ARID2: variants seen among roughly 807,000 people sequenced by gnomAD.
ARID2 encodes the protein AT-rich interactive domain-containing protein 2.
In ARID2, 32 loss-of-function variants were observed where a neutral mutation model predicts 184.6. The observed-to-expected ratio is 0.17, with a 90% CI of 0.13 to 0.23. The LOEUF (loss-of-function observed/expected upper bound fraction) is 0.23, where lower values mean the gene tolerates loss of function less well. Among genes scored for constraint, ARID2 ranks in the 10% least tolerant of loss-of-function variants. The pLI, the probability that ARID2 is intolerant of heterozygous loss-of-function variation, is 1.00. For missense variants in ARID2, 1,696 were observed against 2,197.6 expected (o/e 0.77, Z 4.56); for synonymous variants, 836 against 772.6 (o/e 1.08, Z -1.36).
chr12:45,758,081 G>T (rs1031356201), intron 3 of ARID2, among the ~76,000 whole-genome samples: 1 of 152,094 alleles, frequency 6.6e-6, no homozygotes, highest in African/African-American at 2.4e-5. Context: ...ACAAAGTTTT[G>T]TTTCTCTGGA....
At chr12:45,832,211 G>T (rs1943135596) in intron 6 of ARID2, among the ~76,000 whole-genome samples, 2 of 152,104 alleles carry the variant, frequency 1.3e-5, no homozygotes, top group African/African-American at 4.8e-5. Context: ...GGTTTTGTCT[G>T]AGCACTTTAA....
In ARID2 at chr12:45,846,293, T is replaced by G. The variant is rs1041846527; in HGVS notation, c.1499-563T>G. Among the ~76,000 whole-genome samples, 6 of 152,178 alleles carry G rather than the reference T, an allele frequency of 3.9e-5. No homozygotes were observed. In the South Asian group the frequency reaches 1.2e-3, roughly 31 times the overall value. ...AAATCCTTTTTTGAATATGGGACTTTAAATTAGTTCAGCTTTTGTTCACTG... is the reference window on the plus strand; with the variant it reads ...AAATCCTTTTTTGAATATGGGACTTGAAATTAGTTCAGCTTTTGTTCACTG... On this transcript the variant is annotated intron_variant, in intron 11 of 20. Transcript: ENST00000334344.
chr12:45,794,806 TAATG>T (rs980167905), intron 3 of ARID2, among the ~76,000 whole-genome samples: 45 of 152,330 alleles, frequency 3.0e-4, no homozygotes, highest in Non-Finnish European at 4.9e-4. Context: ...GGTTATTAAA[TAATG>T]AATCTAATTT....
At chr12:45,746,512 C>T (rs1430655960) in intron 3 of ARID2, among the ~76,000 whole-genome samples, 1 of 151,764 alleles carries the variant, frequency 6.6e-6, no homozygotes, top group Non-Finnish European at 1.5e-5. Flanking sequence ...AAGTATTTTT[C>T]TTATGAAACT....
chr12:45,808,180 G>T (rs1942636693), intron 3 of ARID2, among the ~76,000 whole-genome samples: 1 of 152,300 alleles, frequency 6.6e-6, no homozygotes, highest in East Asian at 1.9e-4. Context: ...TAAACTCAAG[G>T]TCATGTTAGG....
At position 45,848,880 on chromosome 12, in the gene ARID2, G is replaced by A. The variant is rs1943489442; in HGVS notation, c.1625G>A (p.Arg542Gln). The A allele has an allele frequency of 6.2e-7, 1 of 1,611,904 alleles. No homozygotes were observed. The highest frequency in any genetic ancestry group is 8.5e-7 in the Non-Finnish European group (1 of 1,178,764). ...FEVNPDCSVS[R>Q]AEMYSEYLST... ...GTAAATCCAGATTGTTCTGTTTCTCGAGCAGAAATGTATTCTGAATACCTC... is the reference window on the plus strand; with the variant it reads ...GTAAATCCAGATTGTTCTGTTTCTCAAGCAGAAATGTATTCTGAATACCTC... The change falls in exon 13 of 21, where the codon CGA becomes CAA. Residue 542 changes from arginine to glutamine, a missense_variant. Transcript: ENST00000334344.
intron 18 of ARID2, among the ~76,000 whole-genome samples, 197 bp from the exon 19 acceptor site, chr12:45,893,223 A>G (rs1424971527): frequency 6.6e-6 from 1 of 152,232 alleles, no homozygotes; most frequent in African/African-American, 2.4e-5. Flanking sequence ...TTGAAACTTT[A>G]CCTTGATACT....
At chr12:45,869,106 G>A (rs920921508) in intron 16 of ARID2, among the ~76,000 whole-genome samples, 1 of 151,544 alleles carries the variant, frequency 6.6e-6, no homozygotes, top group African/African-American at 2.4e-5. Context: ...TGTAACCTTC[G>A]CCTCCCAGGT....
intron 2 of ARID2, among the ~76,000 whole-genome samples, chr12:45,730,456 C>G (rs1329184231): frequency 6.7e-6 from 1 of 149,272 alleles, no homozygotes; most frequent in Non-Finnish European, 1.5e-5. Flanking sequence ...CAGCCTGAGC[C>G]CCGCGCCCGC....
intron 16 of ARID2, among the ~76,000 whole-genome samples, chr12:45,880,386 G>T (rs1944080030): frequency 1.3e-5 from 2 of 152,240 alleles, no homozygotes; most frequent in South Asian, 2.1e-4. Flanking sequence ...TTCCCCAACT[G>T]CCCAGGAAAT....
chr12:45,820,321 T>C (rs532006063), intron 5 of ARID2, among the ~76,000 whole-genome samples: 5 of 152,322 alleles, frequency 3.3e-5, no homozygotes, highest in African/African-American at 1.2e-4. Context: ...TTAAATATTT[T>C]GTAAGATGAA....
At chr12:45,823,716 A>ACAAC (rs1241591093) in intron 6 of ARID2, among the ~76,000 whole-genome samples, 1 of 152,174 alleles carries the variant, frequency 6.6e-6, no homozygotes. Flanking sequence ...TTGGACACAT[A>ACAAC]CAACCCATCA....
intron 3 of ARID2, among the ~76,000 whole-genome samples, chr12:45,760,753 T>G (rs1345396662): frequency 6.6e-6 from 1 of 152,176 alleles, no homozygotes; most frequent in East Asian, 1.9e-4. Flanking sequence ...GGTGGGTTTA[T>G]TTTGGTTCAT....
At position 45,784,437 on chromosome 12, in the gene ARID2, A is replaced by G. The variant is rs377764486; in HGVS notation, c.285-26981A>G. 8.5e-4 allele frequency among the ~76,000 whole-genome samples: 129 copies of G among 152,356 alleles called. 1 individual carries two copies. The highest frequency in any genetic ancestry group is 3.0e-3 in the African/African-American group (124 of 41,578). On this transcript the variant is annotated intron_variant, in intron 3 of 20. Coordinates refer to ENST00000334344, the MANE Select transcript of ARID2 (RefSeq NM_152641.4). Reference sequence around the variant, plus strand: ...TCTAAGAATAAACACAATGAGAAACATGTAAGACCTATATAAGAAAAACTT... The same window carrying G: ...TCTAAGAATAAACACAATGAGAAACGTGTAAGACCTATATAAGAAAAACTT...
intron 16 of ARID2, among the ~76,000 whole-genome samples, chr12:45,877,932 A>G (rs1944037789): frequency 6.6e-6 from 1 of 152,128 alleles, no homozygotes. Context: ...ATATGGCCTC[A>G]GTTTTTGTTT....
chr12:45,831,934 A>G (rs1227457630), intron 6 of ARID2, among the ~76,000 whole-genome samples: 2 of 152,178 alleles, frequency 1.3e-5, no homozygotes, highest in Non-Finnish European at 2.9e-5. Context: ...TTGTCATAAT[A>G]TATTTTTCCC....
At chr12:45,816,097 C>A (rs752120900) in intron 4 of ARID2, among the ~76,000 whole-genome samples, 2 of 152,132 alleles carry the variant, frequency 1.3e-5, no homozygotes, top group Non-Finnish European at 2.9e-5. Flanking sequence ...CGTTAGGATT[C>A]AGTTATTTCT....
At chr12:45,873,998 C>A (rs1025834909) in intron 16 of ARID2, 1 of 152,188 alleles carries the variant, frequency 6.6e-6, no homozygotes. Context: ...CTGCTTGATA[C>A]CATTTTACCC....
chr12:45,730,478 G>GCCGC (rs1012890879), intron 2 of ARID2, among the ~76,000 whole-genome samples: 18 of 150,778 alleles, frequency 1.2e-4, no homozygotes, highest in Non-Finnish European at 2.2e-4. Flanking sequence ...CCGCTCCCGC[G>GCCGC]CCGCCCGCCC....
Sources: gnomAD v4.1 joint callset for allele counts (sites outside exome capture counted in the v4.1 genomes callset) on GRCh38, gnomAD v4.1.1 for gene constraint, MANE v1.5 for transcripts, NCBI Gene and HGNC (gene_info 2026-07-23, HGNC 2026-07-21) for gene names.